PHKB: variants seen among roughly 807,000 people sequenced by gnomAD.
PHKB encodes phosphorylase kinase regulatory subunit beta.
A neutral mutation model predicts 152.1 loss-of-function variants in PHKB; 122 were observed. The observed-to-expected ratio is 0.80, with a 90% CI of 0.69 to 0.93. The LOEUF is 0.93. Ranked by LOEUF, PHKB falls within the 40% of genes least tolerant of loss-of-function variation. The probability of loss-of-function intolerance (pLI) is 0.00; values close to 1 mark genes in which losing one functional copy is unlikely to be tolerated. For missense variants in PHKB, 1,304 were observed against 1,328.4 expected (o/e 0.98, Z 0.29); for synonymous variants, 436 against 464.9 (o/e 0.94, Z 0.80).
intron 18 of PHKB, among the ~76,000 whole-genome samples, chr16:47,650,148 A>G: frequency 6.6e-6 from 1 of 152,174 alleles, no homozygotes; most frequent in East Asian, 1.9e-4. Flanking sequence ...GCATTGGCTC[A>G]TACCTGTAAT....
chr16:47,681,212 G>A (rs564579059), intron 26 of PHKB, among the ~76,000 whole-genome samples: 5 of 152,112 alleles, frequency 3.3e-5, no homozygotes, highest in Non-Finnish European at 7.4e-5. Context: ...TTTTGGAATA[G>A]GTGTGGTGTG....
chr16:47,566,047 C>A, intron 7 of PHKB: 1 of 672,876 alleles, frequency 1.5e-6, no homozygotes. Context: ...TAGTCATCAT[C>A]CCTGTGGTAC....
chr16:47,528,031 G>T (rs934955594), intron 6 of PHKB, among the ~76,000 whole-genome samples: 1 of 152,196 alleles, frequency 6.6e-6, no homozygotes, highest in Non-Finnish European at 1.5e-5. Context: ...CCTTAGCAAA[G>T]AAGTAGTTAC....
chr16:47,684,617 A>T (rs1973927677), intron 26 of PHKB, among the ~76,000 whole-genome samples: 1 of 151,896 alleles, frequency 6.6e-6, no homozygotes, highest in South Asian at 2.1e-4. Context: ...AATACAAAAA[A>T]TTAGCTGGGC....
chr16:47,557,542 A>G (rs1187508561), intron 7 of PHKB, among the ~76,000 whole-genome samples: 2 of 152,220 alleles, frequency 1.3e-5, no homozygotes, highest in African/African-American at 4.8e-5. Context: ...GACAAGAAAA[A>G]AACAAACAAC....
At chr16:47,498,815 T>C (rs1227266792) in intron 2 of PHKB, among the ~76,000 whole-genome samples, 1 of 152,112 alleles carries the variant, frequency 6.6e-6, no homozygotes, top group East Asian at 1.9e-4. Context: ...GTTGGGAGGA[T>C]CACTGAAGCC....
intron 15 of PHKB, among the ~76,000 whole-genome samples, 153 bp downstream of exon 15, chr16:47,641,243 A>T (rs1408074754): frequency 1.3e-5 from 2 of 152,210 alleles, no homozygotes; most frequent in Non-Finnish European, 2.9e-5. Context: ...ATCACTTTAA[A>T]TGACCAGCAT....
intron 7 of PHKB, chr16:47,566,246 A>G: frequency 2.4e-6 from 2 of 836,412 alleles, no homozygotes; most frequent in Non-Finnish European, 4.1e-6. Context: ...CAAAGCTATC[A>G]TCACCTCTTC....
intron 25 of PHKB, 138 bp downstream of exon 25, chr16:47,665,113 AACTT>A: frequency 2.9e-6 from 2 of 691,208 alleles, no homozygotes; most frequent in South Asian, 3.1e-5. Flanking sequence ...TTGTTTCACT[AACTT>A]TATTAGTTAT....
At chr16:47,574,740 A>T (rs1971721342) in intron 7 of PHKB, among the ~76,000 whole-genome samples, 1 of 152,152 alleles carries the variant, frequency 6.6e-6, no homozygotes, top group Admixed American at 6.5e-5. Flanking sequence ...TCCCATGGGA[A>T]TGACACCAAG....
chr16:47,470,698 T>G (rs938874302), intron 1 of PHKB, among the ~76,000 whole-genome samples: 9 of 152,248 alleles, frequency 5.9e-5, no homozygotes, highest in African/African-American at 9.6e-5. Flanking sequence ...ACTGCTGCCT[T>G]CCTTCTCTTC....
intron 14 of PHKB, among the ~76,000 whole-genome samples, chr16:47,614,646 A>G (rs1218380358): frequency 6.6e-6 from 1 of 152,172 alleles, no homozygotes; most frequent in Non-Finnish European, 1.5e-5. Context: ...TACTTCTTCC[A>G]TTAGTTTCCC....
chr16:47,687,066 T>C (rs1339098410), intron 26 of PHKB, among the ~76,000 whole-genome samples: 2 of 152,204 alleles, frequency 1.3e-5, no homozygotes, highest in Non-Finnish European at 2.9e-5. Context: ...CACTTTCCTT[T>C]TCATTCCATT....
At chr16:47,570,630 TTC>T (rs1013433116) in intron 7 of PHKB, among the ~76,000 whole-genome samples, 3 of 151,870 alleles carry the variant, frequency 2.0e-5, no homozygotes, top group African/African-American at 7.3e-5. Flanking sequence ...TTTCCAGAAG[TTC>T]TGTTTTTTTT....
intron 3 of PHKB, among the ~76,000 whole-genome samples, chr16:47,501,982 G>A (rs1970331724): frequency 6.6e-6 from 1 of 152,160 alleles, no homozygotes; most frequent in Non-Finnish European, 1.5e-5. Flanking sequence ...GCATGAAAAA[G>A]AAGGTATGAT....
Position 47,610,882 on chromosome 16 carries a change from A to C in PHKB, c.1420A>C (p.Lys474Gln). Reference protein sequence around the residue: ...IDPVQRYVPLKDQRNVSMRFS... With the variant: ...IDPVQRYVPLQDQRNVSMRFS... ...TCCTGTCCAGCGCTATGTCCCACTA[A>C]AGGATCAACGTAACGTGAGCATGAG... is the stretch of plus-strand genomic sequence containing the variant. The change falls in exon 14 of 31, where the codon AAG (lysine) becomes CAG (glutamine). Residue 474 changes from lysine (K) to glutamine (Q), a missense_variant. Coordinates refer to ENST00000323584, the MANE Select transcript of PHKB (RefSeq NM_000293.3). The C allele has an allele frequency of 6.2e-7, 1 of 1,606,734 alleles. No individual in the cohort carries two copies. Among genetic ancestry groups the C allele is most frequent in the Non-Finnish European group, 8.5e-7 (1 of 1,173,288 alleles).
Position 47,660,686 on chromosome 16 carries a change from T to G in PHKB, c.2063T>G (p.Leu688Arg). ...ELPEFKSFEELEPPKHSKVKR... is the reference protein window; with the variant it reads ...ELPEFKSFEEREPPKHSKVKR... ...CCAGAATTTAAGAGTTTTGAGGAAC[T>G]AGAACCTCCCAAACATTCAAAAGTC... The change falls in exon 22 of 31, where the codon CTA (leucine) becomes CGA (arginine). Residue 688 changes from leucine (L) to arginine (R), a missense_variant. Transcript: ENST00000323584. 6.2e-7 allele frequency: 1 copy of G among 1,614,136 alleles called. No individual in the cohort carries two copies. The highest frequency in any genetic ancestry group is 8.5e-7 in the Non-Finnish European group (1 of 1,179,996).
At chr16:47,695,619 T>C (rs926931224) in intron 28 of PHKB, among the ~76,000 whole-genome samples, 4 of 152,216 alleles carry the variant, frequency 2.6e-5, no homozygotes, top group African/African-American at 9.7e-5. Context: ...CTGTAAACTA[T>C]CACTGAGGTG....
chr16:47,598,998 C>T, intron 13 of PHKB: 1 of 948,606 alleles, frequency 1.1e-6, no homozygotes, highest in Non-Finnish European at 1.7e-6. Flanking sequence ...TCAGCACACC[C>T]TCCCTGACAG....
Sources: gnomAD v4.1 joint callset for allele counts (sites outside exome capture counted in the v4.1 genomes callset) on GRCh38, gnomAD v4.1.1 for gene constraint, MANE v1.5 for transcripts, NCBI Gene and HGNC (gene_info 2026-07-23, HGNC 2026-07-21) for gene names.